The following AP1AR variants were observed in gnomAD, a reference collection of about 807,000 sequenced individuals.
The protein encoded by AP1AR is AP-1 complex-associated regulatory protein.
A neutral mutation model predicts 46.3 loss-of-function variants in AP1AR; 29 were observed. That is an observed-to-expected ratio of 0.63 (90% CI 0.47 to 0.85). AP1AR has a LOEUF of 0.85. Ranked by LOEUF, AP1AR falls within the 40% of genes least tolerant of loss-of-function variation. The pLI is 0.00. For synonymous variants in AP1AR, 122 were observed against 122.9 expected, an observed-to-expected ratio of 0.99 and a Z score of 0.05; for missense variants, 357 against 356.3, an observed-to-expected ratio of 1.00 and a Z score of -0.02.
Position 112,260,866 on chromosome 4 carries a change from A to T in AP1AR, c.282+4A>T. On this transcript the variant is annotated splice_donor_region_variant and intron_variant, in intron 5 of 9. Coordinates refer to ENST00000274000, the MANE Select transcript of AP1AR (RefSeq NM_018569.6). ...TGATAAGAAAATTCAAAAAGAGGTA[A>T]ATTGTCTTTTATATTGCTTAAGTAC... 6.5e-7 allele frequency: 1 copy of T among 1,543,662 alleles called. No homozygotes were observed. The highest frequency in any genetic ancestry group is 2.3e-5 in the East Asian group (1 of 44,328).
chr4:112,266,600 A>T lies in AP1AR; in HGVS notation c.527A>T (p.Asp176Val). 1.9e-6 allele frequency: 3 copies of T among 1,610,236 alleles called. No homozygotes were observed. Among genetic ancestry groups the T allele is most frequent in the Non-Finnish European group, 2.5e-6 (3 of 1,177,548 alleles). ...GTGTATATTCTAGGACTCTCATCAG[A>T]TGCTACAGTTTTGACACCAAATACA... Reference protein sequence around the residue: ...EVFRSSRLSSDATVLTPNTES... With the variant: ...EVFRSSRLSSVATVLTPNTES... The change falls in exon 9 of 10, where the codon GAT becomes GTT. Residue 176 changes from aspartate to valine, a missense_variant. Transcript: ENST00000274000.
intron 6 of AP1AR, 61 bp from the exon 7 acceptor site, chr4:112,264,948 G>A (rs189133931): frequency 3.9e-6 from 5 of 1,283,136 alleles, no homozygotes. Context: ...TTGCATGAGT[G>A]GTTTTAAAAT....
Position 112,268,141 on chromosome 4 carries a change from T to C in AP1AR, c.644-3T>C. The C allele has an allele frequency of 1.3e-6, 2 of 1,531,500 alleles. No homozygotes were observed. Among genetic ancestry groups the C allele is most frequent in the Non-Finnish European group, 8.8e-7 (1 of 1,141,824 alleles). The allele number at this position is 1,531,500 out of a possible 1,614,324, so 94.9% of individuals were successfully genotyped here. ...ATTTTTGAAAACTCTGTTCAAATCA[T>C]AGGAATGAATAGAATGCTTCCAATG... On this transcript the variant is annotated splice_region_variant and splice_polypyrimidine_tract_variant and intron_variant, in intron 9 of 9. Transcript: ENST00000274000.
intron 1 of AP1AR, among the ~76,000 whole-genome samples, chr4:112,238,517 C>T (rs1275743640): frequency 1.3e-5 from 2 of 151,996 alleles, no homozygotes; most frequent in Non-Finnish European, 2.9e-5. Context: ...TTTGGTTCTG[C>T]ATGTTTTTCA....
At position 112,272,018 on chromosome 4, in the gene AP1AR, A is replaced by G. The variant is rs1347273763; in HGVS notation, c.*3609A>G. On this transcript the variant is annotated 3_prime_UTR_variant, in exon 10 of 10. Transcript: ENST00000274000. Reference sequence around the variant, plus strand: ...AGCCAGGAAATAAGAGGGCTCAACAATAGCAAATGCTTTGAAAAGAGGTCC... The same window carrying G: ...AGCCAGGAAATAAGAGGGCTCAACAGTAGCAAATGCTTTGAAAAGAGGTCC... Among the ~76,000 whole-genome samples the G allele has an allele frequency of 6.6e-6, 1 of 152,194 alleles. No individual in the cohort carries two copies. Among genetic ancestry groups the G allele is most frequent in the Non-Finnish European group, 1.5e-5 (1 of 68,032 alleles).
intron 1 of AP1AR, among the ~76,000 whole-genome samples, chr4:112,252,435 T>C (rs1725998960): frequency 6.6e-6 from 1 of 152,190 alleles, no homozygotes; most frequent in Admixed American, 6.5e-5. Context: ...TGACTGAAAG[T>C]CCCGTAATCT....
At chr4:112,257,712 T>C in intron 3 of AP1AR, 60 bp from the exon 4 acceptor site, 1 of 1,321,828 alleles carries the variant, frequency 7.6e-7, no homozygotes, top group South Asian at 1.4e-5. Flanking sequence ...TTGTATTGGT[T>C]ACTTTAAATA....
intron 5 of AP1AR, 61 bp from the exon 6 acceptor site, chr4:112,262,927 T>C: frequency 9.1e-7 from 1 of 1,101,482 alleles, no homozygotes; most frequent in Non-Finnish European, 1.4e-6. Flanking sequence ...AGCATTTTAT[T>C]TTTAGAGCAG....
At chr4:112,254,695 T>C in intron 2 of AP1AR, 52 bp from the exon 3 acceptor site, 1 of 1,184,514 alleles carries the variant, frequency 8.4e-7, no homozygotes, top group Non-Finnish European at 1.2e-6. Context: ...TCTTGTGAGA[T>C]GTATACCTAA....
chr4:112,253,313 T>A (rs1726042844), intron 2 of AP1AR, 57 bp downstream of exon 2: 41 of 1,343,256 alleles, frequency 3.1e-5, no homozygotes, highest in Non-Finnish European at 4.1e-5. Context: ...CGGAAGGGGC[T>A]TTTTGTTGTA....
chr4:112,240,162 T>A (rs960685589), intron 1 of AP1AR, among the ~76,000 whole-genome samples: 2 of 152,244 alleles, frequency 1.3e-5, no homozygotes, highest in African/African-American at 4.8e-5. Flanking sequence ...CAAGGCTCTG[T>A]GTTTATCTTT....
intron 6 of AP1AR, among the ~76,000 whole-genome samples, chr4:112,263,535 A>G (rs2110491558): frequency 6.6e-6 from 1 of 150,394 alleles, no homozygotes; most frequent in Non-Finnish European, 1.5e-5. Context: ...AAACTGTGCT[A>G]TTTTCCCCAT....
Position 112,272,752 on chromosome 4 carries a change from C to CA in AP1AR, c.*4346dup, listed in dbSNP as rs1727007707. Among the ~76,000 whole-genome samples the CA allele has an allele frequency of 6.6e-6, 1 of 152,082 alleles. No homozygotes were observed. Among genetic ancestry groups the CA allele is most frequent in the Admixed American group, 6.6e-5 (1 of 15,262 alleles). ...GGCTGAATTCTTTCTCCCAAGAAGA[C>CA]AAAGATCAAGGACTATGGAGCGTGC... On this transcript the variant is annotated 3_prime_UTR_variant, in exon 10 of 10. Transcript: ENST00000274000.
At chr4:112,232,333 C>T (rs1201249436) in intron 1 of AP1AR, among the ~76,000 whole-genome samples, 159 bp downstream of exon 1, 1 of 152,186 alleles carries the variant, frequency 6.6e-6, no homozygotes, top group East Asian at 1.9e-4. Flanking sequence ...GTCTTGGAGG[C>T]CCAGTCTGGG....
At chr4:112,254,273 G>A (rs1271353808) in intron 2 of AP1AR, among the ~76,000 whole-genome samples, 1 of 152,146 alleles carries the variant, frequency 6.6e-6, no homozygotes, top group Non-Finnish European at 1.5e-5. Flanking sequence ...CTACCACTTA[G>A]TAGATTTTCA....
intron 1 of AP1AR, among the ~76,000 whole-genome samples, chr4:112,249,741 A>T (rs1239862084): frequency 6.6e-6 from 1 of 152,168 alleles, no homozygotes; most frequent in African/African-American, 2.4e-5. Flanking sequence ...ATAGTGAGAT[A>T]CCATCTTGTG....
intron 3 of AP1AR, chr4:112,254,992 G>A (rs1233645864): frequency 4.0e-6 from 1 of 247,610 alleles, no homozygotes; most frequent in South Asian, 9.1e-5. Context: ...ACGGAGTCTC[G>A]CTCTGTCTCC....
Position 112,253,210 on chromosome 4 carries a change from C to G in AP1AR, c.86C>G (p.Ser29Cys), listed in dbSNP as rs375415302. 2 of 1,608,234 alleles carry G rather than the reference C, an allele frequency of 1.2e-6. No individual in the cohort carries two copies. The change falls in exon 2 of 10, where the codon TCC becomes TGC. Residue 29 changes from serine to cysteine, a missense_variant and splice_region_variant. Physicochemically the swap from Ser to Cys is moderately radical, Grantham distance 112 (BLOSUM62 -1). Around this residue, in one of 2 missense-constraint regions of AP1AR, gnomAD observed 269 missense variants for 223.6 expected, o/e 1.20. Coordinates refer to ENST00000274000, the MANE Select transcript of AP1AR (RefSeq NM_018569.6). The part of the protein sequence containing the change: ...RLQRVGGGGG[S>C]KYFRTCSRGE... The stretch of plus-strand genomic sequence containing the variant: ...AGTTATTCTGTTTTCCTTCCCAGAT[C>G]CAAGTATTTTAGAACATGCTCAAGA...
In AP1AR at chr4:112,232,141, C is replaced by T. The variant is rs1175688671; in HGVS notation, c.50C>T (p.Ala17Val). 7.8e-7 allele frequency: 1 copy of T among 1,279,642 alleles called. No individual in the cohort carries two copies. The highest frequency in any genetic ancestry group is 1.0e-6 in the Non-Finnish European group (1 of 1,004,216). The allele number at this position is 1,279,642 out of a possible 1,614,324, so 79.3% of individuals were successfully genotyped here. The change falls in exon 1 of 10, where the codon GCG becomes GTG. Residue 17 changes from alanine to valine, a missense_variant. Ala to Val is a moderately conservative substitution (Grantham distance 64, BLOSUM62 0). This residue lies in a region of AP1AR where 269 missense variants were observed against 223.6 expected (regional missense o/e 1.20). Transcript: ENST00000274000. ...TGCTTCGGACTGCTTCGCAAGGAAG[C>T]GGGGCGGCTGCAGCGAGTAGGCGGC... is the stretch of plus-strand genomic sequence containing the variant. ...TQCFGLLRKE[A>V]GRLQRVGGGG... is the part of the protein sequence containing the mutation.
Sources: allele counts gnomAD v4.1 joint callset (sites outside exome capture counted in the v4.1 genomes callset), GRCh38; gene constraint gnomAD v4.1.1; regional missense constraint gnomAD v4.1.1; transcripts MANE v1.5; gene names NCBI Gene and HGNC (gene_info 2026-07-23, HGNC 2026-07-21).